Variants in OTOF observed in about 807,000 individuals in gnomAD.
The protein encoded by OTOF is otoferlin.
A neutral mutation model predicts 236.8 loss-of-function variants in OTOF; 218 were observed. The observed-to-expected ratio is 0.92, with a 90% CI of 0.82 to 1.03. OTOF has a LOEUF of 1.03. Ranked by LOEUF, OTOF falls within the 50% of genes least tolerant of loss-of-function variation. The pLI is 0.00. For synonymous variants in OTOF, 1,041 were observed against 1,072.5 expected (o/e 0.97, Z 0.57); for missense variants, 2,590 against 2,694.4 (o/e 0.96, Z 0.86).
intron 3 of OTOF, 48 bp downstream of exon 3, chr2:26,527,784 C>T: frequency 2.9e-6 from 4 of 1,384,996 alleles, no homozygotes; most frequent in African/African-American, 1.4e-5. Context: ...GAAGAGCAGG[C>T]TCCCAGCCCG....
intron 30 of OTOF, among the ~76,000 whole-genome samples, chr2:26,471,848 A>G (rs771286945): frequency 2.0e-4 from 30 of 151,300 alleles, no homozygotes; most frequent in Non-Finnish European, 3.8e-4. Flanking sequence ...ACATTTACAT[A>G]CCACATGCAC....
chr2:26,465,111 T>C (rs1664666935), intron 38 of OTOF, 82 bp from the exon 39 acceptor site: 1 of 1,275,360 alleles, frequency 7.8e-7, no homozygotes, highest in Middle Eastern at 2.0e-4. Flanking sequence ...GCCAGTTCTC[T>C]AAAGTTGGCT....
intron 1 of OTOF, among the ~76,000 whole-genome samples, chr2:26,552,159 C>T (rs181963299): frequency 6.6e-6 from 1 of 150,736 alleles, no homozygotes; most frequent in African/African-American, 2.4e-5. Flanking sequence ...GGAGGCTGAG[C>T]CAGGCAGCTC....
chr2:26,464,256 A>G lies in OTOF; in HGVS notation c.4961-150T>C, dbSNP rs1664623191. On this transcript the variant is annotated intron_variant, in intron 39 of 46. Coordinates refer to ENST00000272371, the MANE Select transcript of OTOF (RefSeq NM_194248.3). ...CACTGTTGGGGAAACTGAGGCACAG[A>G]AGGAGAAGTGGCTTGCCCAGGGTCT... 6.9e-6 allele frequency: 7 copies of G among 1,015,046 alleles called. No homozygotes were observed. In the South Asian group the frequency reaches 8.9e-5, roughly 13 times the overall value. 62.9% of individuals were successfully genotyped at this position (1,015,046 alleles called of 1,614,324 possible).
At chr2:26,483,370 C>T in intron 13 of OTOF, 92 bp downstream of exon 13, 1 of 1,201,382 alleles carries the variant, frequency 8.3e-7, no homozygotes, top group Non-Finnish European at 1.2e-6. Context: ...CCTTGTCTTA[C>T]CTGCCCAGCT....
intron 14 of OTOF, 63 bp from the exon 15 acceptor site, chr2:26,481,072 G>A: frequency 7.9e-7 from 1 of 1,270,946 alleles, no homozygotes. Flanking sequence ...GGGAAGAGGG[G>A]CCTCTTTTGG....
intron 4 of OTOF, among the ~76,000 whole-genome samples, chr2:26,517,503 A>G (rs1367229675): frequency 6.6e-6 from 1 of 152,204 alleles, no homozygotes; most frequent in African/African-American, 2.4e-5. Flanking sequence ...CTAGCATATC[A>G]GGAGGTTAAG....
rs545416290 is a variant in OTOF, at chr2:26,461,485, G to A, written c.5533+211C>T. On this transcript the variant is annotated intron_variant, in intron 43 of 46. Transcript: ENST00000272371. The surrounding 1 kb of genome is among the most constrained non-coding windows in gnomAD (Gnocchi z 6.2). ...CTCCTTGGTGTGTCCAAAGCTTGTT[G>A]TCAGCCTGGTTATGACACTGAGAAC... 1.5e-4 allele frequency among the ~76,000 whole-genome samples: 23 copies of A among 151,912 alleles called. No individual in the cohort carries two copies. The highest frequency in any genetic ancestry group is 5.6e-4 in the African/African-American group (23 of 41,388).
chr2:26,514,802 T>C (rs1666479612), intron 5 of OTOF, among the ~76,000 whole-genome samples: 1 of 152,210 alleles, frequency 6.6e-6, no homozygotes, highest in African/African-American at 2.4e-5. Flanking sequence ...TCCCTGTGAC[T>C]GATGGCCCTT....
intron 1 of OTOF, among the ~76,000 whole-genome samples, chr2:26,538,624 G>A (rs750753329): frequency 1.3e-5 from 2 of 152,162 alleles, no homozygotes; most frequent in African/African-American, 2.4e-5. Context: ...GGGCTCCATC[G>A]TGTGGGAAAC....
intron 15 of OTOF, 147 bp from the exon 16 acceptor site, chr2:26,480,458 A>G (rs891044630): frequency 1.3e-5 from 9 of 702,348 alleles, no homozygotes; most frequent in Admixed American, 4.0e-5. Flanking sequence ...CCACACCCCA[A>G]CGGCCCCCCA....
chr2:26,466,023 G>A lies in OTOF; in HGVS notation c.4554C>T (p.Ala1518=). 2 of 1,614,256 alleles carry A rather than the reference G, an allele frequency of 1.2e-6. No homozygotes were observed. The highest frequency in any genetic ancestry group is 1.7e-6 in the Non-Finnish European group (2 of 1,180,048). The change falls in exon 37 of 47, where the codon GCC becomes GCT. Residue 1518 remains alanine (A), a synonymous_variant. Transcript: ENST00000272371. ...DINGKADPYI[A]IRLGKTDIRD... is the part of the protein sequence containing the mutation. ...GGATGTCAGTCTTGCCTAGCCGGAT[G>A]GCGATGTAGGGGTCAGCTTTGCCGT... is the stretch of plus-strand genomic sequence containing the variant.
Position 26,480,687 on chromosome 2 carries a change from G to A in OTOF, c.1803+99C>T. Reference sequence around the variant, plus strand: ...ATCCTGAGGTATGACTCCTCAGGTAGACAGGGCAGCAACAGGCAAAGCCTG... The same window carrying A: ...ATCCTGAGGTATGACTCCTCAGGTAAACAGGGCAGCAACAGGCAAAGCCTG... On this transcript the variant is annotated intron_variant, in intron 15 of 46. Transcript: ENST00000272371. 3 of 985,158 alleles carry A rather than the reference G, an allele frequency of 3.0e-6. No individual in the cohort carries two copies. The South Asian group carries it at 3.9e-5, about 13-fold the overall frequency. 61.0% of individuals were successfully genotyped at this position (985,158 alleles called of 1,614,324 possible).
chr2:26,468,968 G>A (rs1451409039), intron 32 of OTOF, among the ~76,000 whole-genome samples: 4 of 152,024 alleles, frequency 2.6e-5, no homozygotes. Flanking sequence ...GAGTTAATGG[G>A]TGTAGCACAC....
Position 26,460,678 on chromosome 2 carries a change from G to A in OTOF, c.5782C>T (p.Arg1928Cys), listed in dbSNP as rs898393464. The A allele has an allele frequency of 5.0e-6, 8 of 1,614,082 alleles. No homozygotes were observed. Among genetic ancestry groups the A allele is most frequent in the African/African-American group, 1.3e-5 (1 of 75,036 alleles). Residue 1928 changes from arginine to cysteine, a missense_variant, in exon 45 of 47, where the codon CGC becomes TGC. Coordinates refer to ENST00000272371, the MANE Select transcript of OTOF (RefSeq NM_194248.3). This position sits in a 1 kb window ranked among gnomAD's most constrained non-coding sequence, Gnocchi z 5.3. ...TTCTCTAGGGGGTCAGGTTCATTGCGGGCCAGGCCCACTGGGTTCTTCTCT... is the reference window on the plus strand; with the variant it reads ...TTCTCTAGGGGGTCAGGTTCATTGCAGGCCAGGCCCACTGGGTTCTTCTCT... ...EAEKNPVGLA[R>C]NEPDPLEKPN...
intron 1 of OTOF, among the ~76,000 whole-genome samples, chr2:26,557,374 C>A (rs1264536909): frequency 6.6e-6 from 1 of 152,190 alleles, no homozygotes; most frequent in African/African-American, 2.4e-5. Context: ...GAAGTACCCC[C>A]AACCCTCAGG....
chr2:26,535,886 C>T (rs1286863940), intron 2 of OTOF, among the ~76,000 whole-genome samples: 2 of 152,290 alleles, frequency 1.3e-5, no homozygotes, highest in South Asian at 2.1e-4. Context: ...GTCGTGCATA[C>T]CTGTGGCTCA....
At chr2:26,498,150 G>C (rs980067305) in intron 8 of OTOF, among the ~76,000 whole-genome samples, 2 of 152,180 alleles carry the variant, frequency 1.3e-5, no homozygotes, top group Non-Finnish European at 2.9e-5. Context: ...ACTTCTCCCT[G>C]TCCCCCTTTT....
intron 1 of OTOF, among the ~76,000 whole-genome samples, chr2:26,557,953 G>T (rs1016655006): frequency 6.6e-6 from 1 of 151,908 alleles, no homozygotes; most frequent in African/African-American, 2.4e-5. Context: ...GATGAGAAAA[G>T]ACCAGACAGA....
Sources: gnomAD v4.1 joint callset for allele counts (sites outside exome capture counted in the v4.1 genomes callset) on GRCh38, gnomAD v4.1.1 for gene constraint, Gnocchi (gnomAD v3.1) non-coding constraint, MANE v1.5 for transcripts, NCBI Gene and HGNC (gene_info 2026-07-23, HGNC 2026-07-21) for gene names.